SMOC1: variants seen among roughly 807,000 people sequenced by gnomAD.
SMOC1 encodes SPARC related modular calcium binding 1.
In SMOC1, 22 loss-of-function variants were observed where a neutral mutation model predicts 56.3. The observed-to-expected ratio is 0.39, with a 90% CI of 0.28 to 0.56. The LOEUF is 0.56. SMOC1 is among the 20% of genes least tolerant of loss of function. The pLI, the probability that SMOC1 is intolerant of heterozygous loss-of-function variation, is 0.61. For missense variants in SMOC1, 509 were observed against 565.4 expected, an observed-to-expected ratio of 0.90 and a Z score of 1.01; for synonymous variants, 193 against 215.0, an observed-to-expected ratio of 0.90 and a Z score of 0.89.
At chr14:69,947,503 C>T (rs1882829608) in intron 1 of SMOC1, among the ~76,000 whole-genome samples, 1 of 152,140 alleles carries the variant, frequency 6.6e-6, no homozygotes, top group African/African-American at 2.4e-5. Context: ...CAAGAATGGC[C>T]TAACATACTG....
chr14:70,011,943 G>A (rs184099961), intron 9 of SMOC1, among the ~76,000 whole-genome samples: 1 of 152,320 alleles, frequency 6.6e-6, no homozygotes, highest in East Asian at 1.9e-4. Context: ...GACAGTGTCT[G>A]TTGCTTGCTC....
intron 3 of SMOC1, among the ~76,000 whole-genome samples, chr14:69,969,029 A>G (rs1464119785): frequency 2.0e-5 from 3 of 152,210 alleles, no homozygotes. Flanking sequence ...TTACAAAAAG[A>G]GAGGAGGGGT....
chr14:69,899,694 G>C (rs1441029806), intron 1 of SMOC1, among the ~76,000 whole-genome samples: 1 of 152,174 alleles, frequency 6.6e-6, no homozygotes, highest in African/African-American at 2.4e-5. Flanking sequence ...TAGGGCTCCT[G>C]GAGGTAAAAC....
chr14:69,900,661 C>T (rs1198215590), intron 1 of SMOC1, among the ~76,000 whole-genome samples: 3 of 152,358 alleles, frequency 2.0e-5, no homozygotes, highest in South Asian at 2.1e-4. Flanking sequence ...TGTTTACTCA[C>T]AGCTTAATAA....
intron 7 of SMOC1, among the ~76,000 whole-genome samples, chr14:70,005,497 G>C (rs1566707691): frequency 1.3e-5 from 2 of 152,138 alleles, no homozygotes; most frequent in Admixed American, 1.3e-4. Context: ...GCTGGACTTT[G>C]GTCCTTCTTT....
chr14:69,987,801 C>G (rs1281958472), intron 5 of SMOC1, among the ~76,000 whole-genome samples: 1 of 152,180 alleles, frequency 6.6e-6, no homozygotes, highest in Non-Finnish European at 1.5e-5. Context: ...TGACTTCCAG[C>G]TGTCTGTGCG....
chr14:69,885,522 C>T (rs902934068), intron 1 of SMOC1: 2 of 1,599,142 alleles, frequency 1.3e-6, no homozygotes, highest in African/African-American at 2.7e-5. Context: ...TCTGAGTTCA[C>T]CTGTGTGAAG....
chr14:69,954,442 T>A (rs994026207), intron 3 of SMOC1, among the ~76,000 whole-genome samples: 1 of 152,164 alleles, frequency 6.6e-6, no homozygotes, highest in South Asian at 2.1e-4. Context: ...GTGCTAGGAT[T>A]ATAGTGTGAA....
At chr14:70,019,491 T>G (rs1885636560) in intron 10 of SMOC1, among the ~76,000 whole-genome samples, 1 of 152,194 alleles carries the variant, frequency 6.6e-6, no homozygotes, top group African/African-American at 2.4e-5. Context: ...TCTTGCTCCC[T>G]CTAACTTAGG....
chr14:69,960,546 T>G (rs1883333679), intron 3 of SMOC1, among the ~76,000 whole-genome samples: 1 of 152,174 alleles, frequency 6.6e-6, no homozygotes, highest in African/African-American at 2.4e-5. Flanking sequence ...GTATAAATGG[T>G]AAATGGTCCC....
rs962554904 is a variant in SMOC1 at position 69,885,904 on chromosome 14, C to T, written c.99+6127C>T. 43 of 1,597,618 alleles carry T rather than the reference C, an allele frequency of 2.7e-5. No homozygotes were observed. In the African/African-American group the frequency reaches 3.8e-4, roughly 14 times the overall value. ...CCAGGGCCTGGGTGAACTGGTTAATCGCAGGAGGCACTTTCAGCCGCTTAT... is the reference window on the plus strand; with the variant it reads ...CCAGGGCCTGGGTGAACTGGTTAATTGCAGGAGGCACTTTCAGCCGCTTAT... On this transcript the variant is annotated intron_variant, in intron 1 of 11. Coordinates refer to ENST00000361956, the MANE Select transcript of SMOC1 (RefSeq NM_001034852.3).
At chr14:69,914,865 T>TATTCATTCATTCATTCATTC (rs10699853) in intron 1 of SMOC1, among the ~76,000 whole-genome samples, 53 of 149,422 alleles carry the variant, frequency 3.5e-4, no homozygotes, top group East Asian at 9.9e-4. Context: ...TAATTTATTT[T>TATTCATTCATTCATTCATTC]ATTCATTCAT....
At chr14:69,920,028 T>C (rs1453305828) in intron 1 of SMOC1, among the ~76,000 whole-genome samples, 1 of 151,526 alleles carries the variant, frequency 6.6e-6, no homozygotes, top group Admixed American at 6.6e-5. Flanking sequence ...ATGCATGCTC[T>C]CTCTCCTTGG....
chr14:69,889,235 G>A (rs578211317), intron 1 of SMOC1, among the ~76,000 whole-genome samples: 150 of 152,146 alleles, frequency 9.9e-4, no homozygotes, highest in Middle Eastern at 6.8e-3. Flanking sequence ...ACCTCAGCAG[G>A]GCTGAACCAC....
rs532593759 is a variant in SMOC1 at position 69,934,168 on chromosome 14, C to T, written c.100-17970C>T. ...TCTCACTGAAAGTCCATGTTTTTACCGCCTGCCTTGCATTTTCTGCCCAGT... is the reference window on the plus strand; with the variant it reads ...TCTCACTGAAAGTCCATGTTTTTACTGCCTGCCTTGCATTTTCTGCCCAGT... On this transcript the variant is annotated intron_variant, in intron 1 of 11. Coordinates refer to ENST00000361956, the MANE Select transcript of SMOC1 (RefSeq NM_001034852.3). Among the ~76,000 whole-genome samples, 36 of 152,220 alleles carry T rather than the reference C, an allele frequency of 2.4e-4. 1 individual carries two copies. The East Asian group carries it at 6.0e-3, about 25-fold the overall frequency.
intron 10 of SMOC1, among the ~76,000 whole-genome samples, chr14:70,014,413 G>A (rs1594856209): frequency 6.6e-6 from 1 of 152,146 alleles, no homozygotes; most frequent in Non-Finnish European, 1.5e-5. Context: ...AGAAAAGATA[G>A]GTAGATAAAG....
chr14:69,891,634 C>T (rs76349596), intron 1 of SMOC1, among the ~76,000 whole-genome samples: 2,041 of 152,214 alleles, frequency 0.013, 45 homozygotes, highest in African/African-American at 0.045. Context: ...TGCCTTCTCC[C>T]GGCCTGTGCC....
At chr14:69,977,435 A>G (rs890380718) in intron 4 of SMOC1, among the ~76,000 whole-genome samples, 2 of 152,252 alleles carry the variant, frequency 1.3e-5, no homozygotes, top group Admixed American at 1.3e-4. Flanking sequence ...ACAATTTTCT[A>G]CTTAATGCAG....
At chr14:69,986,164 A>G (rs1884357740) in intron 5 of SMOC1, among the ~76,000 whole-genome samples, 2 of 152,236 alleles carry the variant, frequency 1.3e-5, no homozygotes. Context: ...AAAAGGTTGT[A>G]TATTGCATGA....
Sources: gnomAD v4.1 joint callset for allele counts (sites outside exome capture counted in the v4.1 genomes callset) on GRCh38, gnomAD v4.1.1 for gene constraint, MANE v1.5 for transcripts, NCBI Gene and HGNC (gene_info 2026-07-23, HGNC 2026-07-21) for gene names.